Variants in ATRNL1 observed in about 807,000 individuals in gnomAD.
ATRNL1 encodes attractin like 1, also known as attractin-like protein 1.
Under a neutral mutation model 182.7 loss-of-function variants are expected in ATRNL1, and 95 were observed. The ratio of observed to expected loss-of-function variants is 0.52; its 90% CI spans 0.44 to 0.62. The LOEUF is 0.62. Among genes scored for constraint, ATRNL1 ranks in the 20% least tolerant of loss-of-function variants. The pLI, the probability that ATRNL1 is intolerant of heterozygous loss-of-function variation, is 0.00. For synonymous variants in ATRNL1, 576 were observed against 568.3 expected, an observed-to-expected ratio of 1.01 and a Z score of -0.19; for missense variants, 1,471 against 1,679.5, an observed-to-expected ratio of 0.88 and a Z score of 2.17.
At chr10:115,452,212 A>G (rs989864035) in intron 21 of ATRNL1, among the ~76,000 whole-genome samples, 19 of 152,154 alleles carry the variant, frequency 1.2e-4, no homozygotes, top group African/African-American at 4.3e-4. Flanking sequence ...AAGTTTACCT[A>G]TGTAATAAAT....
At chr10:115,307,129 T>A (rs1431930612) in intron 17 of ATRNL1, among the ~76,000 whole-genome samples, 2 of 152,218 alleles carry the variant, frequency 1.3e-5, no homozygotes, top group African/African-American at 2.4e-5. Flanking sequence ...TCTAGTTTGC[T>A]ATTTTTTCTC....
chr10:115,837,293 G>A (rs1950697121), intron 27 of ATRNL1, among the ~76,000 whole-genome samples: 1 of 152,032 alleles, frequency 6.6e-6, no homozygotes, highest in Non-Finnish European at 1.5e-5. Context: ...TGTCTTGTGA[G>A]TTCCATAACT....
intron 19 of ATRNL1, among the ~76,000 whole-genome samples, chr10:115,356,006 T>C (rs1406743520): frequency 1.3e-5 from 2 of 152,136 alleles, no homozygotes; most frequent in Admixed American, 6.6e-5. Flanking sequence ...ATACTGTGAC[T>C]ATCTGTTCAT....
intron 27 of ATRNL1, among the ~76,000 whole-genome samples, chr10:115,729,033 A>G (rs1947704792): frequency 6.6e-6 from 1 of 152,138 alleles, no homozygotes; most frequent in African/African-American, 2.4e-5. Flanking sequence ...CAAGAGAAAA[A>G]AAATGTAAGT....
At chr10:115,245,381 C>T (rs782722977) in intron 10 of ATRNL1, among the ~76,000 whole-genome samples, 7 of 151,374 alleles carry the variant, frequency 4.6e-5, no homozygotes, top group Non-Finnish European at 1.0e-4. Context: ...TGCCTGTAAT[C>T]CTGGCTACTC....
At chr10:115,255,793 T>C (rs921987851) in intron 10 of ATRNL1, among the ~76,000 whole-genome samples, 3 of 152,216 alleles carry the variant, frequency 2.0e-5, no homozygotes, top group Admixed American at 2.0e-4. Flanking sequence ...ATAGCTCTTA[T>C]TATTTTGAGA....
intron 21 of ATRNL1, among the ~76,000 whole-genome samples, chr10:115,431,104 G>T (rs1554963842): frequency 6.6e-6 from 1 of 152,060 alleles, no homozygotes; most frequent in African/African-American, 2.4e-5. Context: ...AATTGATCAA[G>T]ATTGAAAAGA....
chr10:115,929,604 T>C (rs1170394241), intron 28 of ATRNL1, among the ~76,000 whole-genome samples: 2 of 152,092 alleles, frequency 1.3e-5, no homozygotes, highest in African/African-American at 4.8e-5. Context: ...ACTTTCAGAT[T>C]GTACTTTAAG....
At chr10:115,871,253 C>T (rs1555106002) in intron 28 of ATRNL1, among the ~76,000 whole-genome samples, 1 of 151,850 alleles carries the variant, frequency 6.6e-6, no homozygotes, top group Non-Finnish European at 1.5e-5. Flanking sequence ...TACACTAAGG[C>T]ATTATTCCCA....
At chr10:115,711,218 G>T (rs1282507099) in intron 26 of ATRNL1, among the ~76,000 whole-genome samples, 1 of 152,048 alleles carries the variant, frequency 6.6e-6, no homozygotes, top group East Asian at 1.9e-4. Flanking sequence ...TGCTAATTCT[G>T]AACTCAAGAA....
At chr10:115,863,085 C>T (rs535528948) in intron 28 of ATRNL1, among the ~76,000 whole-genome samples, 14 of 151,916 alleles carry the variant, frequency 9.2e-5, no homozygotes, top group Non-Finnish European at 1.5e-4. Context: ...GGAAATAAAG[C>T]GAAATGGGGT....
chr10:115,346,456 G>C (rs138106161), intron 19 of ATRNL1, among the ~76,000 whole-genome samples: 141 of 152,220 alleles, frequency 9.3e-4, no homozygotes, highest in African/African-American at 3.2e-3. Context: ...CCTTTCTAAG[G>C]TTGAATAATG....
rs782617477 is a variant in ATRNL1, at chr10:115,268,342, A to G, written c.1998A>G (p.Arg666=). 112 of 1,610,650 alleles carry G rather than the reference A, an allele frequency of 7.0e-5. No individual in the cohort carries two copies. Among genetic ancestry groups the G allele is most frequent in the Non-Finnish European group, 9.3e-5 (110 of 1,177,088 alleles). The change falls in exon 13 of 29, where the codon AGA becomes AGG. Residue 666 remains arginine, a synonymous_variant. Coordinates refer to ENST00000355044, the MANE Select transcript of ATRNL1 (RefSeq NM_207303.4). The stretch of plus-strand genomic sequence containing the variant: ...GTATTATAGCTGCTTCTGATGACAG[A>G]TGTTACAGATATGCAGATTGTGCCA... The part of the protein sequence containing the change: ...CPPKTAASDD[R]CYRYADCASC...
chr10:115,914,479 GTTTAT>G (rs1952784216), intron 28 of ATRNL1, among the ~76,000 whole-genome samples: 1 of 152,196 alleles, frequency 6.6e-6, no homozygotes, highest in South Asian at 2.1e-4. Context: ...ATGGAGACTG[GTTTAT>G]GCCACATGCG....
chr10:115,248,323 G>C (rs1850731445), intron 10 of ATRNL1, among the ~76,000 whole-genome samples: 1 of 151,788 alleles, frequency 6.6e-6, no homozygotes, highest in South Asian at 2.1e-4. Flanking sequence ...ATGTAAAAAA[G>C]GAAAAAAGTT....
In ATRNL1 at chr10:115,596,159, G is replaced by A. The variant is rs1254325463; in HGVS notation, c.3795+46623G>A. 9.2e-5 allele frequency among the ~76,000 whole-genome samples: 14 copies of A among 152,174 alleles called. No individual in the cohort carries two copies. The East Asian group carries it at 1.7e-3, about 19-fold the overall frequency. ...TTGCTCTTGTCACCCAAGCAGCAGC[G>A]CAATGACATGATCTTGGCTCACTGC... On this transcript the variant is annotated intron_variant, in intron 26 of 28. Coordinates refer to ENST00000355044, the MANE Select transcript of ATRNL1 (RefSeq NM_207303.4).
At chr10:115,666,946 G>A (rs1367930764) in intron 26 of ATRNL1, among the ~76,000 whole-genome samples, 1 of 152,122 alleles carries the variant, frequency 6.6e-6, no homozygotes, top group Non-Finnish European at 1.5e-5. Context: ...TAGGATCTAA[G>A]GGAGGGGACA....
intron 28 of ATRNL1, among the ~76,000 whole-genome samples, chr10:115,932,209 T>C (rs1257957828): frequency 6.6e-6 from 1 of 152,194 alleles, no homozygotes; most frequent in East Asian, 1.9e-4. Context: ...TCTGTTAGAT[T>C]AAAGGAGGTC....
At chr10:115,762,998 TATA>T (rs1311885372) in intron 27 of ATRNL1, among the ~76,000 whole-genome samples, 1 of 152,184 alleles carries the variant, frequency 6.6e-6, no homozygotes, top group African/African-American at 2.4e-5. Context: ...ATGGCATTTG[TATA>T]ATATTTGATA....
Sources: allele counts gnomAD v4.1 joint callset (sites outside exome capture counted in the v4.1 genomes callset), GRCh38; gene constraint gnomAD v4.1.1; transcripts MANE v1.5; gene names NCBI Gene and HGNC (gene_info 2026-07-23, HGNC 2026-07-21).